Variants in RIPOR2 observed in about 807,000 individuals in gnomAD.
RIPOR2 encodes RHO family interacting cell polarization regulator 2, also known as rho family-interacting cell polarization regulator 2.
Under a neutral mutation model 114.5 loss-of-function variants are expected in RIPOR2, and 39 were observed. The ratio of observed to expected loss-of-function variants is 0.34; its 90% CI spans 0.26 to 0.44. RIPOR2 has a LOEUF of 0.44. RIPOR2 is among the 20% of genes least tolerant of loss of function. RIPOR2 has a pLI of 1.00. For synonymous variants in RIPOR2, 445 were observed against 484.4 expected, an observed-to-expected ratio of 0.92 and a Z score of 1.07; for missense variants, 1,007 against 1,255.1, an observed-to-expected ratio of 0.80 and a Z score of 2.99.
intron 8 of RIPOR2, among the ~76,000 whole-genome samples, chr6:24,857,880 C>G (rs115422859): frequency 6.6e-6 from 1 of 152,334 alleles, no homozygotes; most frequent in Non-Finnish European, 1.5e-5. Context: ...TCCGTTTAGC[C>G]TGGCATTCAT....
At chr6:24,854,481 C>T (rs1763250917) in intron 8 of RIPOR2, among the ~76,000 whole-genome samples, 1 of 152,150 alleles carries the variant, frequency 6.6e-6, no homozygotes, top group Admixed American at 6.5e-5. Context: ...ATGTGCATAG[C>T]AAATGAGGAA....
At chr6:24,818,212 C>T (rs1759340180) in intron 20 of RIPOR2, among the ~76,000 whole-genome samples, 1 of 152,040 alleles carries the variant, frequency 6.6e-6, no homozygotes, top group African/African-American at 2.4e-5. Flanking sequence ...ATCCACCGGC[C>T]TCGGCCTCCC....
At chr6:25,027,667 C>A (rs1007502589) in intron 1 of RIPOR2, among the ~76,000 whole-genome samples, 3 of 152,186 alleles carry the variant, frequency 2.0e-5, no homozygotes, top group Non-Finnish European at 4.4e-5. Flanking sequence ...GAAAGAGGGC[C>A]CCCCTCCCCT....
chr6:24,849,888 T>C lies in RIPOR2; in HGVS notation c.948A>G (p.Lys316=), dbSNP rs764224376. The C allele has an allele frequency of 6.2e-7, 1 of 1,613,962 alleles. No homozygotes were observed. Among genetic ancestry groups the C allele is most frequent in the Non-Finnish European group, 8.5e-7 (1 of 1,179,864 alleles). ...CCTGAGGTCGGGCTGCAAACAGCTC[T>C]TTGGTCTCACAGGTCACGCTACCTA... ...ILVGSVTCET[K]ELFAARPQVV... is the part of the protein sequence containing the mutation. The change falls in exon 11 of 22, where the codon AAA becomes AAG. Residue 316 remains lysine (K), a synonymous_variant. Coordinates refer to ENST00000643898, the MANE Select transcript of RIPOR2 (RefSeq NM_001286445.3).
Position 24,849,905 on chromosome 6 carries a change from C to A in RIPOR2, c.931G>T (p.Val311Leu). The A allele has an allele frequency of 1.2e-6, 2 of 1,613,868 alleles. No individual in the cohort carries two copies. Among genetic ancestry groups the A allele is most frequent in the Non-Finnish European group, 1.7e-6 (2 of 1,179,820 alleles). ...AACAGCTCTTTGGTCTCACAGGTCA[C>A]GCTACCTACCAGGATGTGAGTTGCT... ...GLATHILVGS[V>L]TCETKELFAA... Residue 311 changes from valine (V) to leucine (L), a missense_variant, in exon 11 of 22, where the codon GTG becomes TTG. Physicochemically the swap from Val to Leu is conservative, Grantham distance 32. Coordinates refer to ENST00000643898, the MANE Select transcript of RIPOR2 (RefSeq NM_001286445.3).
intron 1 of RIPOR2, among the ~76,000 whole-genome samples, chr6:24,963,543 G>A (rs570259550): frequency 1.5e-4 from 23 of 152,182 alleles, no homozygotes; most frequent in Non-Finnish European, 2.8e-4. Context: ...ACACATATAT[G>A]TACATAAGTA....
At chr6:24,830,420 G>A (rs906402466) in intron 17 of RIPOR2, 89 bp downstream of exon 17, 6 of 1,079,726 alleles carry the variant, frequency 5.6e-6, no homozygotes, top group Non-Finnish European at 8.1e-6. Flanking sequence ...GCAGGCAAGT[G>A]GTAGGAGGAC....
At chr6:24,830,259 C>A (rs1268792085) in intron 17 of RIPOR2, among the ~76,000 whole-genome samples, 1 of 152,162 alleles carries the variant, frequency 6.6e-6, no homozygotes, top group Admixed American at 6.5e-5. Context: ...AGCCACTGCG[C>A]CTGGCCAAAA....
chr6:24,948,517 ATTTC>A (rs1275275065), intron 1 of RIPOR2, among the ~76,000 whole-genome samples: 264 of 148,584 alleles, frequency 1.8e-3, no homozygotes, highest in African/African-American at 5.8e-3. Flanking sequence ...TCACTCTGCT[ATTTC>A]TTTCTTTCTT....
At chr6:24,857,439 T>C (rs965510737) in intron 8 of RIPOR2, among the ~76,000 whole-genome samples, 2 of 152,166 alleles carry the variant, frequency 1.3e-5, no homozygotes, top group Non-Finnish European at 2.9e-5. Context: ...CACATATTAC[T>C]GATCTAACAC....
Position 24,849,294 on chromosome 6 carries a change from C to G in RIPOR2, c.1034+508G>C, listed in dbSNP as rs1480265175. Among the ~76,000 whole-genome samples the G allele has an allele frequency of 3.9e-5, 6 of 152,274 alleles. No individual in the cohort carries two copies. In the South Asian group the frequency reaches 1.0e-3, roughly 26 times the overall value. On this transcript the variant is annotated intron_variant, in intron 11 of 21. Coordinates refer to ENST00000643898, the MANE Select transcript of RIPOR2 (RefSeq NM_001286445.3). ...TTCATTGCTTTGAAAAAAGATATCT[C>G]TTGCCCTTTGGGGATATTCTATTTC...
chr6:24,842,236 C>T (rs561755766), intron 13 of RIPOR2, among the ~76,000 whole-genome samples: 16 of 152,256 alleles, frequency 1.1e-4, no homozygotes, highest in African/African-American at 2.6e-4. Flanking sequence ...CAGGACCTCC[C>T]GCCTGCGAGG....
rs34540028 is a variant in RIPOR2 at position 24,843,698 on chromosome 6, C to CGTGT, written c.1165-148_1165-145dup. ...ATGTTAGCATTTTATTTGTTGATGC[C>CGTGT]GTGTGTGTGTGTGTGTGTGTGTGTG... On this transcript the variant is annotated intron_variant, in intron 12 of 21. Coordinates refer to ENST00000643898, the MANE Select transcript of RIPOR2 (RefSeq NM_001286445.3). 1,415 of 368,250 alleles carry CGTGT rather than the reference C, an allele frequency of 3.8e-3. 16 individuals carry two copies. Among genetic ancestry groups the CGTGT allele is most frequent in the Admixed American group, 0.022 (489 of 22,284 alleles). The allele number at this position is 368,250 out of a possible 1,614,324, so 22.8% of individuals were successfully genotyped here. A position where few individuals can be genotyped will look rare whatever the true frequency, so the allele number is the denominator to read the frequency against.
chr6:24,930,317 A>G (rs1159072349), intron 1 of RIPOR2, among the ~76,000 whole-genome samples: 5 of 152,354 alleles, frequency 3.3e-5, no homozygotes, highest in Admixed American at 6.5e-5. Context: ...GACATACTCT[A>G]GTATATCTTA....
At chr6:24,984,439 C>T (rs139271280) in intron 1 of RIPOR2, among the ~76,000 whole-genome samples, 7 of 152,130 alleles carry the variant, frequency 4.6e-5, no homozygotes, top group East Asian at 1.9e-4. Context: ...CTAATCCTAC[C>T]GGATACATTA....
intron 14 of RIPOR2, among the ~76,000 whole-genome samples, chr6:24,838,802 A>C (rs1761346927): frequency 6.6e-6 from 1 of 152,156 alleles, no homozygotes; most frequent in African/African-American, 2.4e-5. Context: ...TTAAAAAAAA[A>C]TGTGTACACA....
chr6:24,942,271 T>C (rs1480374862), intron 1 of RIPOR2, among the ~76,000 whole-genome samples: 1 of 152,214 alleles, frequency 6.6e-6, no homozygotes, highest in Non-Finnish European at 1.5e-5. Flanking sequence ...AGGAAGATCT[T>C]ACCGAGTTGA....
chr6:24,986,660 C>T (rs558411694), intron 1 of RIPOR2, among the ~76,000 whole-genome samples: 9 of 152,228 alleles, frequency 5.9e-5, no homozygotes, highest in African/African-American at 9.6e-5. Flanking sequence ...CTCTGCTTGG[C>T]GCTGGAGATC....
At chr6:24,990,587 A>G (rs1449760481) in intron 1 of RIPOR2, among the ~76,000 whole-genome samples, 1 of 152,252 alleles carries the variant, frequency 6.6e-6, no homozygotes, top group Non-Finnish European at 1.5e-5. Flanking sequence ...TACTATGACC[A>G]TGATGGTTTA....
Sources: allele counts gnomAD v4.1 joint callset (sites outside exome capture counted in the v4.1 genomes callset), GRCh38; gene constraint gnomAD v4.1.1; transcripts MANE v1.5; gene names NCBI Gene and HGNC (gene_info 2026-07-23, HGNC 2026-07-21).